CTNNA2: variants seen among roughly 807,000 people sequenced by gnomAD.
The protein encoded by CTNNA2 is catenin alpha 2, also known as catenin alpha-2.
A neutral mutation model predicts 101.0 loss-of-function variants in CTNNA2; 42 were observed. That is an observed-to-expected ratio of 0.42 (90% CI 0.32 to 0.54). The LOEUF (loss-of-function observed/expected upper bound fraction) is 0.54. Ranked by LOEUF, CTNNA2 falls within the 20% of genes least tolerant of loss-of-function variation. CTNNA2 has a pLI of 0.14. For synonymous variants in CTNNA2, 450 were observed against 456.4 expected (o/e 0.99, Z 0.18); for missense variants, 871 against 1,223.1 (o/e 0.71, Z 4.29).
At chr2:80,120,739 G>C (rs1482735601) in intron 7 of CTNNA2, among the ~76,000 whole-genome samples, 1 of 152,098 alleles carries the variant, frequency 6.6e-6, no homozygotes, top group Non-Finnish European at 1.5e-5. Context: ...GGATATCAGG[G>C]CTCCGGATCA....
chr2:80,000,323 A>G (rs1692855978), intron 7 of CTNNA2, among the ~76,000 whole-genome samples: 1 of 152,204 alleles, frequency 6.6e-6, no homozygotes, highest in South Asian at 2.1e-4. Context: ...TTGAGGCATG[A>G]AATGAGTATT....
At chr2:79,317,013 A>G (rs1676513158) in intron 3 of CTNNA2, among the ~76,000 whole-genome samples, 2 of 152,122 alleles carry the variant, frequency 1.3e-5, no homozygotes, top group East Asian at 3.9e-4. Context: ...ATCTTTAAGT[A>G]TTATGTTACA....
intron 1 of CTNNA2, among the ~76,000 whole-genome samples, chr2:79,563,846 A>G (rs1674943741): frequency 6.6e-6 from 1 of 152,190 alleles, no homozygotes; most frequent in Admixed American, 6.6e-5. Context: ...TTGTCATTCA[A>G]AGTCATTATA....
intron 7 of CTNNA2, among the ~76,000 whole-genome samples, chr2:80,006,934 G>A (rs185261322): frequency 9.2e-5 from 14 of 152,102 alleles, no homozygotes; most frequent in Middle Eastern, 3.4e-3. Context: ...AAATCTTACC[G>A]TTCTTGAGTC....
In CTNNA2 at chr2:79,922,659, A is replaced by C. The variant is rs1449031087; in HGVS notation, c.1056+12862A>C. On this transcript the variant is annotated intron_variant, in intron 7 of 18. Transcript: ENST00000402739. ...GTTTTTTACTTTTTTTTTTTTTTTTAGTTCTTTCAAGATTCTGGAAGGATC... is the reference window on the plus strand; with the variant it reads ...GTTTTTTACTTTTTTTTTTTTTTTTCGTTCTTTCAAGATTCTGGAAGGATC... 1.2e-4 allele frequency among the ~76,000 whole-genome samples: 9 copies of C among 74,766 alleles called. No homozygotes were observed. The South Asian group carries it at 3.6e-3, about 30-fold the overall frequency. The allele number at this position is 74,766 out of a possible 152,430, so 49.0% of individuals were successfully genotyped here. A position where few individuals can be genotyped will look rare whatever the true frequency, so the allele number is the denominator to read the frequency against.
At chr2:80,342,687 A>C (rs1056650243) in intron 7 of CTNNA2, among the ~76,000 whole-genome samples, 13 of 152,332 alleles carry the variant, frequency 8.5e-5, no homozygotes, top group Admixed American at 7.2e-4. Flanking sequence ...AAAAAAATGC[A>C]GAGTGCCAGT....
At chr2:80,171,516 T>C (rs1396242974) in intron 7 of CTNNA2, among the ~76,000 whole-genome samples, 4 of 152,160 alleles carry the variant, frequency 2.6e-5, no homozygotes, top group African/African-American at 7.2e-5. Flanking sequence ...CCCAAATATG[T>C]GACAACCCAA....
At chr2:79,691,944 A>G (rs969404236) in intron 2 of CTNNA2, among the ~76,000 whole-genome samples, 37 of 152,178 alleles carry the variant, frequency 2.4e-4, no homozygotes, top group African/African-American at 3.9e-4. Flanking sequence ...AGGCAATACC[A>G]TTTAGGACAT....
intron 7 of CTNNA2, among the ~76,000 whole-genome samples, chr2:80,360,962 T>C (rs1674346362): frequency 1.3e-5 from 2 of 152,072 alleles, no homozygotes; most frequent in South Asian, 4.1e-4. Context: ...AGTGGGTTTT[T>C]TTTAAATAGA....
At chr2:80,623,349 A>G (rs963741002) in intron 18 of CTNNA2, among the ~76,000 whole-genome samples, 1 of 152,016 alleles carries the variant, frequency 6.6e-6, no homozygotes, top group Non-Finnish European at 1.5e-5. Flanking sequence ...GTAGAAAAGG[A>G]TAAAGGGGTG....
intron 3 of CTNNA2, among the ~76,000 whole-genome samples, chr2:79,337,182 C>T (rs148466574): frequency 2.8e-4 from 43 of 152,262 alleles, no homozygotes; most frequent in Non-Finnish European, 5.3e-4. Flanking sequence ...GCAGCAAAGC[C>T]TTTGAGGCAA....
intron 7 of CTNNA2, among the ~76,000 whole-genome samples, chr2:80,096,015 C>G (rs972932572): frequency 6.6e-6 from 1 of 151,980 alleles, no homozygotes; most frequent in African/African-American, 2.4e-5. Context: ...CAGTTCTGCT[C>G]TGATCTTAGT....
At chr2:79,475,679 C>CATT (rs10626335) in intron 4 of CTNNA2, among the ~76,000 whole-genome samples, 13,862 of 149,512 alleles carry the variant, frequency 0.093, 1,005 homozygotes, top group African/African-American at 0.2. Flanking sequence ...TCTTTGAATA[C>CATT]TTTTTTTTTT....
At chr2:80,227,488 A>G (rs1427550362) in intron 7 of CTNNA2, among the ~76,000 whole-genome samples, 2 of 152,120 alleles carry the variant, frequency 1.3e-5, no homozygotes, top group Non-Finnish European at 2.9e-5. Flanking sequence ...CCTTACTGAT[A>G]TTTCCAGGCA....
At chr2:80,093,860 T>C (rs925568485) in intron 7 of CTNNA2, among the ~76,000 whole-genome samples, 1 of 152,066 alleles carries the variant, frequency 6.6e-6, no homozygotes, top group Admixed American at 6.6e-5. Flanking sequence ...TTGTTTGTTT[T>C]TTTCTTGTAA....
chr2:80,576,070 A>C (rs2149706919), intron 13 of CTNNA2, among the ~76,000 whole-genome samples: 1 of 152,300 alleles, frequency 6.6e-6, no homozygotes, highest in African/African-American at 2.4e-5. Flanking sequence ...ATAAACAATA[A>C]GACAAGTAGA....
intron 3 of CTNNA2, among the ~76,000 whole-genome samples, chr2:79,747,075 T>C (rs1344648026): frequency 1.3e-5 from 2 of 152,192 alleles, no homozygotes; most frequent in Admixed American, 6.5e-5. Context: ...TAACAAATAC[T>C]GTTCCCCTTC....
chr2:79,973,595 T>C (rs889826945), intron 7 of CTNNA2, among the ~76,000 whole-genome samples: 2 of 152,104 alleles, frequency 1.3e-5, no homozygotes, highest in Non-Finnish European at 2.9e-5. Context: ...ACTCCTAAGG[T>C]GTGTCAACCT....
At chr2:79,835,700 T>G (rs1275910406) in intron 3 of CTNNA2, among the ~76,000 whole-genome samples, 3 of 74,822 alleles carry the variant, frequency 4.0e-5, no homozygotes, top group Admixed American at 2.0e-4. Flanking sequence ...TTTTTTTTTT[T>G]TTTGAGACAG....
Sources: gnomAD v4.1 joint callset for allele counts (sites outside exome capture counted in the v4.1 genomes callset) on GRCh38, gnomAD v4.1.1 for gene constraint, MANE v1.5 for transcripts, NCBI Gene and HGNC (gene_info 2026-07-23, HGNC 2026-07-21) for gene names.